JARID2: variants seen among roughly 807,000 people sequenced by gnomAD.
The protein encoded by JARID2 is jumonji and AT-rich interaction domain containing 2.
JARID2 carries 21 observed loss-of-function variants against 125.6 expected under a neutral mutation model. The observed-to-expected ratio is 0.17, with a 90% confidence interval of 0.12 to 0.24. The LOEUF (loss-of-function observed/expected upper bound fraction) is 0.24. JARID2 is among the 10% of genes least tolerant of loss of function. The probability of loss-of-function intolerance (pLI) is 1.00; values close to 1 mark genes in which losing one functional copy is unlikely to be tolerated. For missense variants in JARID2, 1,303 were observed against 1,639.6 expected (o/e 0.79, Z 3.55); for synonymous variants, 736 against 661.6 (o/e 1.11, Z -1.73).
In JARID2 at chr6:15,479,448, A is replaced by G. The variant is rs9476830; in HGVS notation, c.671-7859A>G. 1.3e-3 allele frequency among the ~76,000 whole-genome samples: 205 copies of G among 152,378 alleles called. 2 individuals are homozygous for G. Among genetic ancestry groups the G allele is most frequent in the African/African-American group, 4.8e-3 (199 of 41,592 alleles). On this transcript the variant is annotated intron_variant, in intron 5 of 17. Coordinates refer to ENST00000341776, the MANE Select transcript of JARID2 (RefSeq NM_004973.4). ...CAAGTCTGTTATTTTATCATTGCAC[A>G]TAATGCATTCACACTTGGAGATCAT...
intron 1 of JARID2, among the ~76,000 whole-genome samples, chr6:15,308,339 T>G (rs1036126215): frequency 6.6e-6 from 1 of 152,226 alleles, no homozygotes; most frequent in African/African-American, 2.4e-5. Flanking sequence ...AGGGGCCAGA[T>G]TCAAAGGCCA....
chr6:15,319,358 C>A (rs1762277700), intron 1 of JARID2, among the ~76,000 whole-genome samples: 1 of 151,924 alleles, frequency 6.6e-6, no homozygotes, highest in African/African-American at 2.4e-5. Flanking sequence ...CTGCAGTAGC[C>A]ATTTTGTGTC....
intron 1 of JARID2, among the ~76,000 whole-genome samples, chr6:15,257,252 A>G (rs1340208479): frequency 6.6e-6 from 1 of 152,246 alleles, no homozygotes. Context: ...AATTAAGCCA[A>G]TAGCATTTTA....
chr6:15,449,061 C>T (rs1277365539), intron 3 of JARID2, among the ~76,000 whole-genome samples: 1 of 151,972 alleles, frequency 6.6e-6, no homozygotes, highest in Non-Finnish European at 1.5e-5. Context: ...ATAGATGAAG[C>T]TCTGTGATTG....
chr6:15,290,500 T>G (rs1761164500), intron 1 of JARID2, among the ~76,000 whole-genome samples: 1 of 152,242 alleles, frequency 6.6e-6, no homozygotes, highest in Non-Finnish European at 1.5e-5. Context: ...GTGTTCCAGT[T>G]GTTCCACATC....
chr6:15,364,271 C>T (rs1581459697), intron 1 of JARID2, among the ~76,000 whole-genome samples: 1 of 152,138 alleles, frequency 6.6e-6, no homozygotes, highest in Non-Finnish European at 1.5e-5. Flanking sequence ...TCTAACCAGC[C>T]CTGTCAGTAA....
rs1229884877 is a variant in JARID2 at position 15,283,134 on chromosome 6, A to G, written c.45+36550A>G. Among the ~76,000 whole-genome samples, 102 of 137,272 alleles carry G rather than the reference A, an allele frequency of 7.4e-4. 1 individual carries two copies. Among genetic ancestry groups the G allele is most frequent in the Non-Finnish European group, 2.7e-4 (17 of 63,214 alleles). 90.1% of individuals were successfully genotyped at this position (137,272 alleles called of 152,430 possible). ...GCTGGGACTACAGGCGCCCGCCACC[A>G]CGCCCGGCTAATTTTTTGTATTTTT... On this transcript the variant is annotated intron_variant, in intron 1 of 17. Transcript: ENST00000341776.
At chr6:15,511,026 C>T (rs1287307151) in intron 12 of JARID2, among the ~76,000 whole-genome samples, 2 of 152,194 alleles carry the variant, frequency 1.3e-5, no homozygotes, top group African/African-American at 4.8e-5. Context: ...TTTTGGCTCA[C>T]CAGGTGGGTC....
intron 1 of JARID2, among the ~76,000 whole-genome samples, chr6:15,298,815 C>A (rs1440550634): frequency 6.6e-6 from 1 of 151,768 alleles, no homozygotes; most frequent in Non-Finnish European, 1.5e-5. Flanking sequence ...AATAAACTTT[C>A]ATATTTTTAC....
intron 8 of JARID2, 50 bp downstream of exon 8, chr6:15,501,459 A>G (rs1343208192): frequency 6.7e-7 from 1 of 1,497,116 alleles, no homozygotes; most frequent in East Asian, 2.3e-5. Context: ...GTGCGGGAGG[A>G]ATGAGAGAGG....
At chr6:15,297,297 C>T (rs982550491) in intron 1 of JARID2, among the ~76,000 whole-genome samples, 3 of 151,478 alleles carry the variant, frequency 2.0e-5, no homozygotes, top group East Asian at 2.0e-4. Flanking sequence ...TTATAGGCGC[C>T]GCCACCACGC....
chr6:15,443,193 GTGA>G (rs1767521188), intron 3 of JARID2, among the ~76,000 whole-genome samples: 1 of 152,122 alleles, frequency 6.6e-6, no homozygotes, highest in Non-Finnish European at 1.5e-5. Flanking sequence ...TGATGTGGTG[GTGA>G]TGTTTGGATT....
intron 6 of JARID2, among the ~76,000 whole-genome samples, chr6:15,494,287 A>G (rs1393594621): frequency 3.9e-5 from 6 of 152,226 alleles, no homozygotes; most frequent in Admixed American, 2.0e-4. Context: ...TTGGTTAGAA[A>G]TGCACATTCT....
chr6:15,428,916 C>CA (rs763876904), intron 3 of JARID2, among the ~76,000 whole-genome samples: 664 of 59,546 alleles, frequency 0.011, 6 homozygotes, highest in African/African-American at 0.027. Flanking sequence ...AAAAAAACAA[C>CA]AAAAAAAAAA....
intron 2 of JARID2, among the ~76,000 whole-genome samples, chr6:15,409,254 A>G (rs1028362816): frequency 6.6e-6 from 1 of 152,212 alleles, no homozygotes; most frequent in African/African-American, 2.4e-5. Flanking sequence ...TGGAAGGACT[A>G]GAAGAGCAAA....
At chr6:15,306,338 T>C (rs1761825134) in intron 1 of JARID2, among the ~76,000 whole-genome samples, 1 of 146,042 alleles carries the variant, frequency 6.8e-6, no homozygotes, top group African/African-American at 2.5e-5. Flanking sequence ...CTTTTTTTTT[T>C]TTTTTTTTTT....
intron 1 of JARID2, among the ~76,000 whole-genome samples, chr6:15,314,399 C>T (rs1762113410): frequency 6.6e-6 from 1 of 152,102 alleles, no homozygotes; most frequent in Non-Finnish European, 1.5e-5. Context: ...TAAATTTACC[C>T]CAAGCACCTG....
chr6:15,342,895 G>A (rs2127470632), intron 1 of JARID2, among the ~76,000 whole-genome samples: 1 of 152,260 alleles, frequency 6.6e-6, no homozygotes, highest in Non-Finnish European at 1.5e-5. Context: ...CGCCTTTACT[G>A]AGTCCTTGGG....
In JARID2 at chr6:15,284,095, G is replaced by A. The variant is rs543918765; in HGVS notation, c.45+37511G>A. Among the ~76,000 whole-genome samples, 6 of 152,110 alleles carry A rather than the reference G, an allele frequency of 3.9e-5. No homozygotes were observed. The East Asian group carries it at 1.2e-3, about 29-fold the overall frequency. On this transcript the variant is annotated intron_variant, in intron 1 of 17. Coordinates refer to ENST00000341776, the MANE Select transcript of JARID2 (RefSeq NM_004973.4). Reference sequence around the variant, plus strand: ...TTTGGTTTTCTTTTATGGGTTTTATGTCTTTGCTTAGGAATGCTTCTGTGA... The same window carrying A: ...TTTGGTTTTCTTTTATGGGTTTTATATCTTTGCTTAGGAATGCTTCTGTGA...
Sources: allele counts gnomAD v4.1 joint callset (sites outside exome capture counted in the v4.1 genomes callset), GRCh38; gene constraint gnomAD v4.1.1; transcripts MANE v1.5; gene names NCBI Gene and HGNC (gene_info 2026-07-23, HGNC 2026-07-21).